The following SCN8A variants were observed in gnomAD, a reference collection of about 807,000 sequenced individuals.
SCN8A encodes the protein sodium voltage-gated channel alpha subunit 8, also known as sodium channel protein type 8 subunit alpha.
A neutral mutation model predicts 184.1 loss-of-function variants in SCN8A; 30 were observed. The ratio of observed to expected loss-of-function variants is 0.16; its 90% CI spans 0.12 to 0.22. The LOEUF (loss-of-function observed/expected upper bound fraction) is 0.22, where lower values mean the gene tolerates loss of function less well. Ranked by LOEUF, SCN8A falls within the 10% of genes least tolerant of loss-of-function variation. The pLI is 1.00. For missense variants in SCN8A, 1,057 were observed against 2,498.9 expected (o/e 0.42, Z 12.30); for synonymous variants, 852 against 907.0 (o/e 0.94, Z 1.09).
At chr12:51,635,882 T>C (rs1940304816) in intron 1 of SCN8A, among the ~76,000 whole-genome samples, 1 of 152,214 alleles carries the variant, frequency 6.6e-6, no homozygotes, top group Admixed American at 6.5e-5. Context: ...TATAGAAAAA[T>C]GCAATGACTG....
At chr12:51,735,108 CACA>C (rs996893010) in intron 12 of SCN8A, among the ~76,000 whole-genome samples, 6 of 152,198 alleles carry the variant, frequency 3.9e-5, no homozygotes, top group African/African-American at 1.4e-4. Context: ...GTTTAGCTCC[CACA>C]ACGAGCCCTA....
chr12:51,627,582 G>A (rs567956624), intron 1 of SCN8A, among the ~76,000 whole-genome samples: 4 of 152,046 alleles, frequency 2.6e-5, no homozygotes, highest in Admixed American at 6.6e-5. Flanking sequence ...GGATTTCACC[G>A]TGTTGGCCAG....
intron 1 of SCN8A, among the ~76,000 whole-genome samples, chr12:51,640,212 GTTTTTTT>G (rs57362371): frequency 1.2e-3 from 42 of 34,762 alleles, no homozygotes; most frequent in East Asian, 4.7e-3. Context: ...TGCCTGGCCT[GTTTTTTT>G]TTTTTTTTTT....
intron 15 of SCN8A, among the ~76,000 whole-genome samples, chr12:51,764,038 C>T (rs1942800927): frequency 6.6e-6 from 1 of 152,046 alleles, no homozygotes; most frequent in African/African-American, 2.4e-5. Flanking sequence ...ATAGTTATTA[C>T]CTAGGTGACA....
At chr12:51,800,767 T>C (rs1178254910) in intron 26 of SCN8A, among the ~76,000 whole-genome samples, 1 of 152,228 alleles carries the variant, frequency 6.6e-6, no homozygotes, top group African/African-American at 2.4e-5. Context: ...GGAATCATTG[T>C]CAGCTCAGAG....
intron 1 of SCN8A, among the ~76,000 whole-genome samples, chr12:51,621,941 G>A (rs1201244053): frequency 6.6e-6 from 1 of 152,176 alleles, no homozygotes; most frequent in African/African-American, 2.4e-5. Flanking sequence ...AATGTGCCAT[G>A]GAAGCTTTCT....
chr12:51,654,375 A>G (rs1172171410), intron 1 of SCN8A, among the ~76,000 whole-genome samples: 2 of 152,162 alleles, frequency 1.3e-5, no homozygotes, highest in Admixed American at 1.3e-4. Flanking sequence ...TGTGTATGGT[A>G]TAAGGTAAGG....
At chr12:51,758,824 A>G (rs1296447577) in intron 14 of SCN8A, among the ~76,000 whole-genome samples, 1 of 152,138 alleles carries the variant, frequency 6.6e-6, no homozygotes, top group Non-Finnish European at 1.5e-5. Flanking sequence ...TAGCTAAAGT[A>G]TAGGAAGAAA....
chr12:51,777,982 C>T (rs1937762727), intron 20 of SCN8A, among the ~76,000 whole-genome samples: 3 of 152,186 alleles, frequency 2.0e-5, no homozygotes, highest in South Asian at 4.1e-4. Flanking sequence ...GAGTTGGCTG[C>T]ACTTGGCAAT....
chr12:51,648,054 G>C (rs112598542), intron 1 of SCN8A, among the ~76,000 whole-genome samples: 8,272 of 152,240 alleles, frequency 0.054, 302 homozygotes, highest in Middle Eastern at 0.14. Context: ...ACTGGCCTCT[G>C]GGGAGGAGAA....
At chr12:51,664,832 G>A (rs1268698847) in intron 2 of SCN8A, among the ~76,000 whole-genome samples, 1 of 152,070 alleles carries the variant, frequency 6.6e-6, no homozygotes, top group African/African-American at 2.4e-5. Context: ...CATCACCTAG[G>A]TATTAAGCCC....
chr12:51,749,440 A>C lies in SCN8A; in HGVS notation c.2132-1915A>C, dbSNP rs527281138. 1.2e-4 allele frequency among the ~76,000 whole-genome samples: 19 copies of C among 152,348 alleles called. No homozygotes were observed. In the South Asian group the frequency reaches 3.7e-3, roughly 30 times the overall value. On this transcript the variant is annotated intron_variant, in intron 13 of 26. Coordinates refer to ENST00000627620, the MANE Select transcript of SCN8A (RefSeq NM_001330260.2). ...CCAATGAGCAACAGTCGTTTGGAGA[A>C]GGGAGGAGATAAAAAAGGGAACGGA...
At position 51,745,961 on chromosome 12, in the gene SCN8A, A is replaced by T; in HGVS notation, c.2057A>T (p.Asp686Val). The T allele has an allele frequency of 1.2e-6, 2 of 1,611,992 alleles. No individual in the cohort carries two copies. The highest frequency in any genetic ancestry group is 1.7e-6 in the Non-Finnish European group (2 of 1,178,966). Residue 686 changes from aspartate to valine, a missense_variant, in exon 13 of 27, where the codon GAC becomes GTC. Asp to Val is a radical substitution (Grantham distance 152). Around this residue, in one of 19 missense-constraint regions of SCN8A, gnomAD observed 322 missense variants for 390.1 expected, o/e 0.83. Coordinates refer to ENST00000627620, the MANE Select transcript of SCN8A (RefSeq NM_001330260.2). ...CCTGGATCTCTTTTAGTTTCCATGG[A>T]CCAATTAGCCTCCTACGGGCGGAAG... Reference protein sequence around the residue: ...KGPGSLLVSMDQLASYGRKDR... With the variant: ...KGPGSLLVSMVQLASYGRKDR...
intron 1 of SCN8A, among the ~76,000 whole-genome samples, chr12:51,617,431 A>T (rs1410936018): frequency 6.6e-6 from 1 of 152,104 alleles, no homozygotes; most frequent in Non-Finnish European, 1.5e-5. Context: ...GTGTTTTCTA[A>T]TTTAAAATTT....
intron 8 of SCN8A, among the ~76,000 whole-genome samples, chr12:51,701,946 G>A (rs1041902990): frequency 6.6e-6 from 1 of 152,098 alleles, no homozygotes; most frequent in Admixed American, 6.6e-5. Flanking sequence ...GAATCTAAAA[G>A]CAGGAGAAAT....
intron 1 of SCN8A, among the ~76,000 whole-genome samples, chr12:51,600,791 A>C (rs1939447197): frequency 6.6e-6 from 1 of 152,218 alleles, no homozygotes; most frequent in African/African-American, 2.4e-5. Flanking sequence ...AAAAATTAGA[A>C]ATTTAATGCA....
chr12:51,596,584 G>C (rs1000428866), intron 1 of SCN8A, among the ~76,000 whole-genome samples: 1 of 152,136 alleles, frequency 6.6e-6, no homozygotes. Flanking sequence ...CTTAGTGAGT[G>C]GGTATAATGA....
chr12:51,705,350 C>T, intron 9 of SCN8A, 67 bp from the exon 10 acceptor site: 3 of 1,473,238 alleles, frequency 2.0e-6, no homozygotes, highest in East Asian at 2.3e-5. Context: ...GGAACTTGGC[C>T]CATTAGCTGT....
intron 1 of SCN8A, among the ~76,000 whole-genome samples, chr12:51,656,418 GTAC>G (rs1214457791): frequency 6.6e-6 from 1 of 152,046 alleles, no homozygotes; most frequent in Non-Finnish European, 1.5e-5. Context: ...GAATAAAAAA[GTAC>G]TAACATGAAG....
Sources: gnomAD v4.1 joint callset for allele counts (sites outside exome capture counted in the v4.1 genomes callset) on GRCh38, gnomAD v4.1.1 for gene constraint, gnomAD v4.1.1 regional missense constraint, MANE v1.5 for transcripts, NCBI Gene and HGNC (gene_info 2026-07-23, HGNC 2026-07-21) for gene names.